The following LANCL3 variants were observed in gnomAD, a reference collection of about 807,000 sequenced individuals.
The protein encoded by LANCL3 is LanC like family member 3.
Under a neutral mutation model 26.5 loss-of-function variants are expected in LANCL3, and 19 were observed. The ratio of observed to expected loss-of-function variants is 0.72; its 90% CI spans 0.50 to 1.05. The LOEUF is 1.05. LANCL3 is among the 50% of genes least tolerant of loss of function. LANCL3 has a pLI of 0.00. For synonymous variants in LANCL3, 160 were observed against 166.6 expected (o/e 0.96, Z 0.30); for missense variants, 318 against 362.7 (o/e 0.88, Z 1.00).
chrX:37,587,992 G>A (rs1457268002), intron 1 of LANCL3, among the ~76,000 whole-genome samples: 1 of 112,443 alleles, frequency 8.9e-6, no homozygotes, highest in African/African-American at 3.2e-5. Context: ...TTTTGTTACA[G>A]AGTAAATGGA....
intron 2 of LANCL3, among the ~76,000 whole-genome samples, chrX:37,656,170 G>A (rs898834884): frequency 7.3e-5 from 8 of 109,162 alleles, no homozygotes; most frequent in Non-Finnish European, 1.5e-4. Context: ...AGCCACTAAC[G>A]TTTTGAAGTT....
intron 1 of LANCL3, among the ~76,000 whole-genome samples, chrX:37,626,315 C>T (rs1032958738): frequency 8.9e-5 from 10 of 111,845 alleles, no homozygotes; most frequent in Non-Finnish European, 1.9e-4. Context: ...CTCTTCACTC[C>T]CACAACTCAG....
chrX:37,604,079 A>G (rs1303592861), intron 1 of LANCL3, among the ~76,000 whole-genome samples: 3 of 112,700 alleles, frequency 2.7e-5, no homozygotes, highest in East Asian at 2.8e-4. Flanking sequence ...CCAAAGGCTC[A>G]GCCTCCCTGA....
intron 1 of LANCL3, among the ~76,000 whole-genome samples, chrX:37,585,282 G>T (rs1924032621): frequency 9.0e-6 from 1 of 111,685 alleles, no homozygotes; most frequent in Non-Finnish European, 1.9e-5. Flanking sequence ...GTTGATTTGG[G>T]GTGGAGAGTT....
At chrX:37,642,944 A>G (rs562970865) in intron 1 of LANCL3, among the ~76,000 whole-genome samples, 8 of 112,519 alleles carry the variant, frequency 7.1e-5, no homozygotes, top group Non-Finnish European at 1.3e-4. Flanking sequence ...CTATATTTCT[A>G]TACTCTCTAG....
In LANCL3 at chrX:37,680,657, C is replaced by T. The variant is rs1926916455; in HGVS notation, c.*4844C>T. 1 of 111,955 alleles carries T rather than the reference C, an allele frequency of 8.9e-6. No individual in the cohort carries two copies. Among genetic ancestry groups the T allele is most frequent in the South Asian group, 3.7e-4 (1 of 2,667 alleles). The allele number at this position is 111,955 out of a possible 1,213,427, so 9.2% of individuals were successfully genotyped here. ...GTGGATTAAAAGAACAGACTATCCTCTCTCTTTTTTTGTCTTTCTTCTCCC... is the reference window on the plus strand; with the variant it reads ...GTGGATTAAAAGAACAGACTATCCTTTCTCTTTTTTTGTCTTTCTTCTCCC... On this transcript the variant is annotated 3_prime_UTR_variant, in exon 5 of 5. Coordinates refer to ENST00000378619, the MANE Select transcript of LANCL3 (RefSeq NM_001170331.2).
chrX:37,659,899 C>A (rs1926376499), intron 3 of LANCL3, among the ~76,000 whole-genome samples: 2 of 110,945 alleles, frequency 1.8e-5, no homozygotes, highest in South Asian at 7.7e-4. Context: ...CTAACATTGT[C>A]CAATAGAAGT....
intron 1 of LANCL3, among the ~76,000 whole-genome samples, chrX:37,622,281 C>A (rs1356099040): frequency 9.0e-6 from 1 of 111,363 alleles, no homozygotes; most frequent in East Asian, 2.8e-4. Context: ...TTGTGCAAGT[C>A]ATTTTCTTTC....
At chrX:37,629,050 T>G in intron 1 of LANCL3, among the ~76,000 whole-genome samples, 1 of 106,808 alleles carries the variant, frequency 9.4e-6, no homozygotes, top group Non-Finnish European at 1.9e-5. Context: ...TTGAACTAGT[T>G]TACAGTCCCA....
At chrX:37,648,010 T>A (rs1480575967) in intron 1 of LANCL3, among the ~76,000 whole-genome samples, 1 of 112,476 alleles carries the variant, frequency 8.9e-6, no homozygotes, top group Non-Finnish European at 1.9e-5. Context: ...AGCACAGGAA[T>A]TAACTCTGCC....
intron 1 of LANCL3, among the ~76,000 whole-genome samples, chrX:37,611,142 T>C (rs1924858593): frequency 8.9e-6 from 1 of 112,096 alleles, no homozygotes; most frequent in Non-Finnish European, 1.9e-5. Context: ...CCTCATTGGT[T>C]GGGGGCATTT....
intron 3 of LANCL3, among the ~76,000 whole-genome samples, chrX:37,665,551 T>G (rs1277042273): frequency 8.9e-6 from 1 of 112,170 alleles, no homozygotes; most frequent in Non-Finnish European, 1.9e-5. Flanking sequence ...TCCAGCAGCA[T>G]CATGAAATAT....
At chrX:37,634,131 G>A (rs1435347074) in intron 1 of LANCL3, among the ~76,000 whole-genome samples, 4 of 112,642 alleles carry the variant, frequency 3.6e-5, no homozygotes, top group African/African-American at 6.4e-5. Context: ...GCAAGCCTGG[G>A]CAATGGCGGG....
intron 1 of LANCL3, among the ~76,000 whole-genome samples, chrX:37,652,656 C>T (rs1292793176): frequency 8.9e-6 from 1 of 112,193 alleles, no homozygotes; most frequent in African/African-American, 3.2e-5. Flanking sequence ...GCCTGATGGC[C>T]AGGGAGCCCC....
At chrX:37,603,132 C>T (rs781934406) in intron 1 of LANCL3, among the ~76,000 whole-genome samples, 1 of 112,330 alleles carries the variant, frequency 8.9e-6, no homozygotes, top group East Asian at 2.8e-4. Context: ...GATCTTGAAT[C>T]AAGAGATTAG....
In LANCL3 at chrX:37,682,144, C is replaced by T. The variant is rs1926953021; in HGVS notation, c.*6331C>T. 1 of 103,188 alleles carries T rather than the reference C, an allele frequency of 9.7e-6. No individual in the cohort carries two copies. The highest frequency in any genetic ancestry group is 3.6e-5 in the African/African-American group (1 of 28,148). The allele number at this position is 103,188 out of a possible 1,213,427, so 8.5% of individuals were successfully genotyped here. A position where few individuals can be genotyped will look rare whatever the true frequency, so the allele number is the denominator to read the frequency against. ...TTGAGACGGAGTCTCGCTCTGTCGC[C>T]CAGGCTGGAGTGCAGTGGCGGGATC... On this transcript the variant is annotated 3_prime_UTR_variant, in exon 5 of 5. Transcript: ENST00000378619.
chrX:37,627,123 G>A (rs1303707310), intron 1 of LANCL3, among the ~76,000 whole-genome samples: 1 of 111,756 alleles, frequency 8.9e-6, no homozygotes, highest in Non-Finnish European at 1.9e-5. Flanking sequence ...CTTTCTTGGG[G>A]CATACACATT....
chrX:37,656,996 G>C (rs1328059046), intron 2 of LANCL3, among the ~76,000 whole-genome samples: 1 of 112,856 alleles, frequency 8.9e-6, no homozygotes, highest in Non-Finnish European at 1.9e-5. Context: ...AGAGAAAGAA[G>C]CTAATTGAGT....
At chrX:37,595,904 G>A (rs1361484547) in intron 1 of LANCL3, among the ~76,000 whole-genome samples, 3 of 111,833 alleles carry the variant, frequency 2.7e-5, no homozygotes, top group Admixed American at 9.5e-5. Flanking sequence ...CTGTAAAGAA[G>A]AATGGAGAGT....
Sources: allele counts gnomAD v4.1 joint callset (sites outside exome capture counted in the v4.1 genomes callset), GRCh38; gene constraint gnomAD v4.1.1; transcripts MANE v1.5; gene names NCBI Gene and HGNC (gene_info 2026-07-23, HGNC 2026-07-21).